The following HTR2C variants were observed in gnomAD, a reference collection of about 807,000 sequenced individuals.
HTR2C encodes 5-hydroxytryptamine receptor 2C.
In HTR2C, 5 loss-of-function variants were observed where a neutral mutation model predicts 21.0. That is an observed-to-expected ratio of 0.24 (90% confidence interval 0.12 to 0.50). The LOEUF (loss-of-function observed/expected upper bound fraction) is 0.50, where lower values mean the gene tolerates loss of function less well. Ranked by LOEUF, HTR2C falls within the 20% of genes least tolerant of loss-of-function variation. The pLI is 0.98. For synonymous variants in HTR2C, 150 were observed against 145.3 expected (o/e 1.03, Z -0.23); for missense variants, 271 against 371.2 (o/e 0.73, Z 2.22).
At chrX:114,754,729 G>T (rs1417680805) in intron 4 of HTR2C, among the ~76,000 whole-genome samples, 1 of 110,651 alleles carries the variant, frequency 9.0e-6, no homozygotes, top group African/African-American at 3.3e-5. Context: ...GTAGTTCTTA[G>T]ATTTGACAGC....
At chrX:114,905,664 A>G (rs781821180) in intron 5 of HTR2C, among the ~76,000 whole-genome samples, 14 of 111,847 alleles carry the variant, frequency 1.3e-4, no homozygotes, top group Non-Finnish European at 2.1e-4. Context: ...TGTGGACACA[A>G]GACAGGACAG....
chrX:114,637,096 CATAG>C (rs1929870523), intron 2 of HTR2C, among the ~76,000 whole-genome samples: 1 of 111,205 alleles, frequency 9.0e-6, no homozygotes, highest in Non-Finnish European at 1.9e-5. Flanking sequence ...TAGCTTTCCA[CATAG>C]ATCTGTTGAC....
At chrX:114,843,669 A>G (rs191004045) in intron 4 of HTR2C, among the ~76,000 whole-genome samples, 1 of 111,698 alleles carries the variant, frequency 9.0e-6, no homozygotes, top group Non-Finnish European at 1.9e-5. Context: ...AAATATCCAA[A>G]CCAAGGTGCA....
intron 5 of HTR2C, among the ~76,000 whole-genome samples, chrX:114,876,424 T>TTC (rs1429834929): frequency 9.7e-5 from 9 of 92,467 alleles, no homozygotes; most frequent in East Asian, 3.4e-4. Flanking sequence ...TTTTCTTTCT[T>TTC]TTTTTTTTTT....
At chrX:114,797,562 T>C (rs2070305303) in intron 4 of HTR2C, among the ~76,000 whole-genome samples, 1 of 111,947 alleles carries the variant, frequency 8.9e-6, no homozygotes, top group South Asian at 3.6e-4. Flanking sequence ...CAGATTTTAC[T>C]TCCTGGCCTT....
At chrX:114,895,655 C>A (rs782531585) in intron 5 of HTR2C, among the ~76,000 whole-genome samples, 1 of 111,194 alleles carries the variant, frequency 9.0e-6, no homozygotes, top group African/African-American at 3.3e-5. Context: ...CTAATTTTAA[C>A]CATTCTTTCT....
intron 4 of HTR2C, among the ~76,000 whole-genome samples, chrX:114,807,992 G>A (rs1280583365): frequency 9.0e-6 from 1 of 110,649 alleles, no homozygotes; most frequent in Admixed American, 9.7e-5. Context: ...ATTTTTAAAT[G>A]TACAATATAA....
At chrX:114,746,903 T>G (rs1556426297) in intron 4 of HTR2C, among the ~76,000 whole-genome samples, 1 of 110,783 alleles carries the variant, frequency 9.0e-6, no homozygotes, top group Non-Finnish European at 1.9e-5. Flanking sequence ...GAGAATGGTG[T>G]GAACCCGGGA....
intron 5 of HTR2C, among the ~76,000 whole-genome samples, chrX:114,884,811 G>T (rs1331613492): frequency 8.9e-6 from 1 of 111,784 alleles, no homozygotes; most frequent in African/African-American, 3.2e-5. Flanking sequence ...GATATTTGGA[G>T]CATGTGATTT....
chrX:114,834,333 T>A (rs1556462669), intron 4 of HTR2C, among the ~76,000 whole-genome samples: 3 of 104,718 alleles, frequency 2.9e-5, no homozygotes, highest in African/African-American at 1.0e-4. Context: ...TGTGTGGGAG[T>A]CTAAGTCTCT....
intron 4 of HTR2C, among the ~76,000 whole-genome samples, chrX:114,839,962 C>A (rs1473618969): frequency 3.6e-5 from 4 of 110,971 alleles, no homozygotes; most frequent in Non-Finnish European, 7.6e-5. Flanking sequence ...ATGAAAGAGA[C>A]TGCAGTTTGA....
At chrX:114,763,431 T>G in intron 4 of HTR2C, among the ~76,000 whole-genome samples, 1 of 112,087 alleles carries the variant, frequency 8.9e-6, no homozygotes, top group East Asian at 2.8e-4. Context: ...AATGCCCCTT[T>G]ATAACTGTGG....
At chrX:114,798,884 A>G (rs2070320191) in intron 4 of HTR2C, among the ~76,000 whole-genome samples, 1 of 110,922 alleles carries the variant, frequency 9.0e-6, no homozygotes, top group African/African-American at 3.3e-5. Flanking sequence ...TCTCCTGTTA[A>G]TTAAGTAGCT....
chrX:114,722,977 T>C (rs1933287351), intron 2 of HTR2C, among the ~76,000 whole-genome samples: 3 of 111,379 alleles, frequency 2.7e-5, no homozygotes, highest in South Asian at 3.8e-4. Context: ...TAAAATTCTC[T>C]TTTTTGGTTG....
chrX:114,888,112 T>G (rs2071234091), intron 5 of HTR2C, among the ~76,000 whole-genome samples: 1 of 112,032 alleles, frequency 8.9e-6, no homozygotes. Context: ...TTTTTCTCCA[T>G]GTATTTGGCT....
At chrX:114,838,698 G>A (rs1406269042) in intron 4 of HTR2C, among the ~76,000 whole-genome samples, 1 of 111,898 alleles carries the variant, frequency 8.9e-6, no homozygotes, top group Non-Finnish European at 1.9e-5. Flanking sequence ...ACTCAACTAT[G>A]AATTGGCCTC....
intron 1 of HTR2C, among the ~76,000 whole-genome samples, chrX:114,596,434 AT>A (rs1927848825): frequency 8.9e-6 from 1 of 111,912 alleles, no homozygotes; most frequent in Non-Finnish European, 1.9e-5. Context: ...CCTTTATTAT[AT>A]TTTTAGATTG....
intron 2 of HTR2C, among the ~76,000 whole-genome samples, chrX:114,649,892 G>A (rs1025360060): frequency 4.5e-5 from 5 of 111,677 alleles, no homozygotes; most frequent in Non-Finnish European, 9.4e-5. Flanking sequence ...TGGAATTACA[G>A]GTGTGAGCCA....
chrX:114,690,774 A>G (rs1431716467), intron 2 of HTR2C, among the ~76,000 whole-genome samples: 5 of 111,283 alleles, frequency 4.5e-5, no homozygotes, highest in Non-Finnish European at 9.5e-5. Flanking sequence ...TAAGCATGCA[A>G]TGTTTTGCTT....
Sources: allele counts gnomAD v4.1 joint callset (sites outside exome capture counted in the v4.1 genomes callset), GRCh38; gene constraint gnomAD v4.1.1; transcripts MANE v1.5; gene names NCBI Gene and HGNC (gene_info 2026-07-23, HGNC 2026-07-21).